Variants in PTPRD observed in about 807,000 individuals in gnomAD.
PTPRD encodes protein tyrosine phosphatase receptor type D.
PTPRD carries 34 observed loss-of-function variants against 214.5 expected under a neutral mutation model. The ratio of observed to expected loss-of-function variants is 0.16; its 90% CI spans 0.12 to 0.21. PTPRD has a LOEUF of 0.21. Ranked by LOEUF, PTPRD falls within the 10% of genes least tolerant of loss-of-function variation. The probability of loss-of-function intolerance (pLI) is 1.00; values close to 1 mark genes in which losing one functional copy is unlikely to be tolerated. For synonymous variants in PTPRD, 1,128 were observed against 845.7 expected (o/e 1.33, Z -5.79); for missense variants, 2,545 against 2,398.7 (o/e 1.06, Z -1.27).
intron 4 of PTPRD, among the ~76,000 whole-genome samples, chr9:9,958,935 AG>A (rs2094152597): frequency 6.6e-6 from 1 of 152,178 alleles, no homozygotes; most frequent in Non-Finnish European, 1.5e-5. Context: ...TTTTAGAAAA[AG>A]GTTTGGTGGG....
chr9:10,123,547 C>G (rs886179127), intron 3 of PTPRD, among the ~76,000 whole-genome samples: 5 of 152,122 alleles, frequency 3.3e-5, no homozygotes, highest in Non-Finnish European at 5.9e-5. Flanking sequence ...CAGCCCTGTC[C>G]TTCATGAACC....
rs143338242 is a variant in PTPRD at position 9,735,663 on chromosome 9, T to G, written c.-325-1092A>C. ...GTCTAAAATCATTTGAGAAGATCAA[T>G]GCTTCACTTTTGAAGAGTAAGTAAT... On this transcript the variant is annotated intron_variant, in intron 6 of 45. Transcript: ENST00000381196. Among the ~76,000 whole-genome samples the G allele has an allele frequency of 4.3e-3, 647 of 152,224 alleles. 4 individuals are homozygous for G. Among genetic ancestry groups the G allele is most frequent in the African/African-American group, 0.014 (600 of 41,562 alleles).
chr9:10,571,663 C>T (rs1051070805), intron 2 of PTPRD, among the ~76,000 whole-genome samples: 2 of 152,046 alleles, frequency 1.3e-5, no homozygotes, highest in East Asian at 3.9e-4. Context: ...CAGTGGTCCC[C>T]AAACCGTTTT....
chr9:10,076,527 A>G (rs906248499), intron 3 of PTPRD, among the ~76,000 whole-genome samples: 4 of 152,090 alleles, frequency 2.6e-5, no homozygotes, highest in African/African-American at 9.7e-5. Context: ...AAACTCTATA[A>G]AAACATGCAG....
At chr9:10,415,429 A>G (rs2098478315) in intron 2 of PTPRD, among the ~76,000 whole-genome samples, 1 of 151,874 alleles carries the variant, frequency 6.6e-6, no homozygotes, top group Non-Finnish European at 1.5e-5. Context: ...GGACTCTTTT[A>G]TATTTGCCAT....
intron 10 of PTPRD, among the ~76,000 whole-genome samples, chr9:9,098,700 T>C (rs917874096): frequency 1.3e-5 from 2 of 152,232 alleles, no homozygotes; most frequent in African/African-American, 4.8e-5. Context: ...TTGGCAACTA[T>C]GTGGATCTTA....
At chr9:9,772,861 C>T (rs908034956) in intron 5 of PTPRD, among the ~76,000 whole-genome samples, 12 of 152,256 alleles carry the variant, frequency 7.9e-5, no homozygotes, top group African/African-American at 2.9e-4. Flanking sequence ...TCAGTTATTT[C>T]ACTTCTAGGA....
At chr9:8,616,505 G>C (rs1048746239) in intron 14 of PTPRD, among the ~76,000 whole-genome samples, 3 of 152,082 alleles carry the variant, frequency 2.0e-5, no homozygotes, top group Non-Finnish European at 2.9e-5. Context: ...CCTTACTTCA[G>C]ACTCTAGGCA....
At chr9:9,762,206 G>C (rs2098664073) in intron 6 of PTPRD, among the ~76,000 whole-genome samples, 1 of 152,168 alleles carries the variant, frequency 6.6e-6, no homozygotes, top group South Asian at 2.1e-4. Flanking sequence ...AATAGTGAAT[G>C]TTTGCAGCCA....
chr9:9,552,791 T>C (rs569352615), intron 8 of PTPRD, among the ~76,000 whole-genome samples: 110 of 152,230 alleles, frequency 7.2e-4, no homozygotes, highest in African/African-American at 2.5e-3. Flanking sequence ...GAATGCTTCA[T>C]TCAGCACTTT....
chr9:9,320,907 A>T (rs1966144209), intron 9 of PTPRD, among the ~76,000 whole-genome samples: 1 of 152,176 alleles, frequency 6.6e-6, no homozygotes, highest in Non-Finnish European at 1.5e-5. Context: ...CCAGATAAGA[A>T]TTTGTCCTCT....
intron 6 of PTPRD, among the ~76,000 whole-genome samples, chr9:9,743,051 C>G (rs1626530): frequency 0.5 from 76,179 of 152,056 alleles, 22,686 homozygotes; most frequent in African/African-American, 0.82. Flanking sequence ...TATAATTTAT[C>G]TTGTCCTTTC....
At chr9:10,026,153 A>ACTG (rs2096919351) in intron 4 of PTPRD, among the ~76,000 whole-genome samples, 1 of 152,242 alleles carries the variant, frequency 6.6e-6, no homozygotes, top group African/African-American at 2.4e-5. Flanking sequence ...AGCCAATGCC[A>ACTG]GTTAACTAAA....
intron 12 of PTPRD, among the ~76,000 whole-genome samples, chr9:8,724,922 A>T (rs933029346): frequency 2.0e-5 from 3 of 152,182 alleles, no homozygotes; most frequent in African/African-American, 7.2e-5. Flanking sequence ...TGGATAACAG[A>T]GTGAGACCCT....
chr9:8,588,421 G>T (rs568370320), intron 14 of PTPRD, among the ~76,000 whole-genome samples: 1 of 152,166 alleles, frequency 6.6e-6, no homozygotes, highest in Admixed American at 6.5e-5. Context: ...GGAAGTTCAA[G>T]TCTCCAACAC....
At position 8,932,567 on chromosome 9, in the gene PTPRD, G is replaced by T. The variant is rs142607479; in HGVS notation, c.-104+86130C>A. 7.2e-3 allele frequency among the ~76,000 whole-genome samples: 1,096 copies of T among 152,290 alleles called. 13 individuals carry two copies. Among genetic ancestry groups the T allele is most frequent in the African/African-American group, 0.026 (1,060 of 41,560 alleles). ...GCTGCCTTTCTTTCAGAGATGGCCTGCCCAGAGAGGAGGAATCTGGAGATT... is the reference window on the plus strand; with the variant it reads ...GCTGCCTTTCTTTCAGAGATGGCCTTCCCAGAGAGGAGGAATCTGGAGATT... On this transcript the variant is annotated intron_variant, in intron 11 of 45. Transcript: ENST00000381196.
chr9:10,290,728 A>C (rs1451967223), intron 3 of PTPRD, among the ~76,000 whole-genome samples: 2 of 152,162 alleles, frequency 1.3e-5, no homozygotes, highest in African/African-American at 4.8e-5. Context: ...GGAGACAAAA[A>C]GACAACAGAA....
chr9:10,326,115 C>A lies in PTPRD; in HGVS notation c.-545+14848G>T, dbSNP rs189447290. Among the ~76,000 whole-genome samples, 53 of 151,448 alleles carry A rather than the reference C, an allele frequency of 3.5e-4. No individual in the cohort carries two copies. In the East Asian group the frequency reaches 9.6e-3, roughly 27 times the overall value. On this transcript the variant is annotated intron_variant, in intron 3 of 45. Coordinates refer to ENST00000381196, the MANE Select transcript of PTPRD (RefSeq NM_002839.4). ...TATTCACTTCTGCTAAGCTAAAAACCAAACAAAACTAAAAAACAATCTACC... is the reference window on the plus strand; with the variant it reads ...TATTCACTTCTGCTAAGCTAAAAACAAAACAAAACTAAAAAACAATCTACC...
At chr9:10,607,179 A>ATTTTTT in intron 2 of PTPRD, among the ~76,000 whole-genome samples, 1 of 151,816 alleles carries the variant, frequency 6.6e-6, no homozygotes, top group Non-Finnish European at 1.5e-5. Context: ...ATAGAGGTAA[A>ATTTTTT]ATATTTTTGC....
Sources: allele counts gnomAD v4.1 joint callset (sites outside exome capture counted in the v4.1 genomes callset), GRCh38; gene constraint gnomAD v4.1.1; transcripts MANE v1.5; gene names NCBI Gene and HGNC (gene_info 2026-07-23, HGNC 2026-07-21).